Variants in CSTPP1 observed in about 807,000 individuals in gnomAD.
CSTPP1 encodes the protein UPF0705 protein C11orf49.
chr11:47,041,135 C>A, the CSTPP1 span: 1 of 196,386 alleles, frequency 5.1e-6, no homozygotes. Context: ...GTGCAAAAGT[C>A]TTTATAAGTG....
the CSTPP1 span, among the ~76,000 whole-genome samples, chr11:47,075,205 C>G: frequency 6.6e-6 from 1 of 152,036 alleles, no homozygotes; most frequent in South Asian, 2.1e-4. Context: ...AACCCCATAT[C>G]TACTAAAACT....
the CSTPP1 span, among the ~76,000 whole-genome samples, chr11:47,079,345 A>G: frequency 6.6e-6 from 1 of 152,232 alleles, no homozygotes; most frequent in Admixed American, 6.5e-5. Flanking sequence ...AATATAGACT[A>G]CCTAGCCAGA....
chr11:47,010,159 A>C, the CSTPP1 span, among the ~76,000 whole-genome samples: 1 of 152,110 alleles, frequency 6.6e-6, no homozygotes, highest in Non-Finnish European at 1.5e-5. Flanking sequence ...CAGACAGAGA[A>C]GAGAGAATGG....
chr11:47,003,423 A>C, the CSTPP1 span, among the ~76,000 whole-genome samples: 1 of 152,210 alleles, frequency 6.6e-6, no homozygotes, highest in South Asian at 2.1e-4. Context: ...TTCTTCCCTG[A>C]GAAAAGTGAA....
chr11:47,094,937 ATT>A, the CSTPP1 span, among the ~76,000 whole-genome samples: 1 of 152,222 alleles, frequency 6.6e-6, no homozygotes, highest in Non-Finnish European at 1.5e-5. Flanking sequence ...TCTTTTAACC[ATT>A]TCATTTTGGA....
chr11:46,987,608 T>C, the CSTPP1 span: 1 of 259,256 alleles, frequency 3.9e-6, no homozygotes, highest in South Asian at 9.1e-5. Flanking sequence ...ATTCAAAATA[T>C]TCACTTTGAT....
At chr11:47,071,964 A>T in the CSTPP1 span, among the ~76,000 whole-genome samples, 7 of 152,248 alleles carry the variant, frequency 4.6e-5, no homozygotes, top group African/African-American at 1.7e-4. Context: ...GCAGTGAGGA[A>T]GAAATCCCCC....
the CSTPP1 span, among the ~76,000 whole-genome samples, chr11:47,107,804 A>G: frequency 6.6e-6 from 1 of 152,148 alleles, no homozygotes; most frequent in South Asian, 2.1e-4. Context: ...ATAGAGATTT[A>G]TACTGGACAA....
the CSTPP1 span, among the ~76,000 whole-genome samples, chr11:46,994,487 G>A: frequency 3.3e-5 from 5 of 152,094 alleles, no homozygotes; most frequent in African/African-American, 4.8e-5. Flanking sequence ...TAGCAGGAAG[G>A]GCTGTTGAAT....
chr11:47,016,994 C>A, the CSTPP1 span, among the ~76,000 whole-genome samples: 2 of 150,318 alleles, frequency 1.3e-5, no homozygotes, highest in African/African-American at 2.4e-5. Context: ...AGGCGCCCAC[C>A]ACCACGCCTG....
chr11:46,969,584 G>T, the CSTPP1 span, among the ~76,000 whole-genome samples: 2 of 152,112 alleles, frequency 1.3e-5, no homozygotes, highest in African/African-American at 4.8e-5. Context: ...ATTCATAATA[G>T]GTCCAGATTA....
the CSTPP1 span, among the ~76,000 whole-genome samples, chr11:47,065,144 G>C: frequency 6.6e-6 from 1 of 152,036 alleles, no homozygotes; most frequent in South Asian, 2.1e-4. Context: ...TTTATGAATG[G>C]TTTTTTCTAT....
At chr11:47,044,647 G>A in the CSTPP1 span, among the ~76,000 whole-genome samples, 1 of 152,120 alleles carries the variant, frequency 6.6e-6, no homozygotes, top group Admixed American at 6.6e-5. Flanking sequence ...GAATTGGGGG[G>A]TGCAGTGACT....
At chr11:47,137,826 T>A in the CSTPP1 span, 1 of 1,264,406 alleles carries the variant, frequency 7.9e-7, no homozygotes, top group Non-Finnish European at 1.1e-6. Context: ...AAGGAGCATT[T>A]AGGGAAGAAA....
At chr11:46,970,402 TAATAAATA>T in the CSTPP1 span, among the ~76,000 whole-genome samples, 336 of 150,150 alleles carry the variant, frequency 2.2e-3, 1 homozygote, top group African/African-American at 7.4e-3. Flanking sequence ...TTTATAATAA[TAATAAATA>T]AATAAATAAA....
the CSTPP1 span, among the ~76,000 whole-genome samples, chr11:46,966,586 T>G: frequency 6.6e-6 from 1 of 152,140 alleles, no homozygotes; most frequent in Non-Finnish European, 1.5e-5. Flanking sequence ...ATTTGTGCAT[T>G]AGTTCTTTCA....
the CSTPP1 span, among the ~76,000 whole-genome samples, chr11:47,136,429 T>C: frequency 1.3e-5 from 2 of 152,212 alleles, no homozygotes; most frequent in Non-Finnish European, 2.9e-5. Context: ...TTGACCTATA[T>C]TGACGCTGAG....
chr11:47,084,798 T>G, the CSTPP1 span, among the ~76,000 whole-genome samples: 1 of 152,220 alleles, frequency 6.6e-6, no homozygotes, highest in African/African-American at 2.4e-5. Flanking sequence ...TTCAAGATTG[T>G]TTTATTCATT....
At chr11:47,005,950 TA>T in the CSTPP1 span, among the ~76,000 whole-genome samples, 1 of 152,166 alleles carries the variant, frequency 6.6e-6, no homozygotes, top group Non-Finnish European at 1.5e-5. Context: ...GCGTTCTAGA[TA>T]CTAGGGATAT....
Sources: allele counts gnomAD v4.1 joint callset (sites outside exome capture counted in the v4.1 genomes callset), GRCh38; gene constraint gnomAD v4.1.1; transcripts MANE v1.5; gene names NCBI Gene and HGNC (gene_info 2026-07-23, HGNC 2026-07-21).